ARHGAP10: variants seen among roughly 807,000 people sequenced by gnomAD.
ARHGAP10 encodes Rho GTPase activating protein 10.
In ARHGAP10, 87 loss-of-function variants were observed where a neutral mutation model predicts 108.6. The ratio of observed to expected loss-of-function variants is 0.80; its 90% confidence interval spans 0.67 to 0.96. ARHGAP10 has a LOEUF of 0.96. Ranked by LOEUF, ARHGAP10 falls within the 40% of genes least tolerant of loss-of-function variation. The pLI is 0.00. For synonymous variants in ARHGAP10, 347 were observed against 341.1 expected, an observed-to-expected ratio of 1.02 and a Z score of -0.19; for missense variants, 939 against 954.5, an observed-to-expected ratio of 0.98 and a Z score of 0.21.
At chr4:147,984,902 T>TG (rs552424644) in intron 18 of ARHGAP10, among the ~76,000 whole-genome samples, 69 of 152,196 alleles carry the variant, frequency 4.5e-4, no homozygotes, top group Admixed American at 1.3e-3. Flanking sequence ...GGCTTCAAGA[T>TG]GGGCAGGCCA....
intron 13 of ARHGAP10, among the ~76,000 whole-genome samples, chr4:147,935,288 G>A (rs1341945956): frequency 6.6e-6 from 1 of 152,186 alleles, no homozygotes; most frequent in African/African-American, 2.4e-5. Flanking sequence ...CTGAAGGCTG[G>A]CTCTTAAATG....
intron 1 of ARHGAP10, among the ~76,000 whole-genome samples, chr4:147,811,223 G>T (rs1732002867): frequency 6.6e-6 from 1 of 152,210 alleles, no homozygotes. Context: ...GTAAGTGCGG[G>T]CCCCAGGCCC....
intron 7 of ARHGAP10, among the ~76,000 whole-genome samples, chr4:147,871,085 G>T (rs1218307661): frequency 2.0e-5 from 3 of 151,806 alleles, no homozygotes; most frequent in Non-Finnish European, 4.4e-5. Flanking sequence ...TCAGCCTCCC[G>T]AGTAGCTGGG....
chr4:147,919,907 A>G (rs1000355032), intron 13 of ARHGAP10, among the ~76,000 whole-genome samples: 1 of 152,020 alleles, frequency 6.6e-6, no homozygotes, highest in African/African-American at 2.4e-5. Context: ...AGGCTCTCAT[A>G]CCCTGTCAGC....
intron 6 of ARHGAP10, chr4:147,865,627 C>G (rs572443397): frequency 6.6e-6 from 1 of 152,092 alleles, no homozygotes; most frequent in Admixed American, 6.5e-5. Context: ...ATTTTAATAT[C>G]GACTTATTGA....
intron 3 of ARHGAP10, among the ~76,000 whole-genome samples, chr4:147,823,315 T>C (rs977463631): frequency 7.9e-5 from 12 of 152,218 alleles, no homozygotes; most frequent in Non-Finnish European, 1.8e-4. Flanking sequence ...GAAAAGCTTA[T>C]GTAGAAACAG....
chr4:147,934,046 A>G (rs1479523041), intron 13 of ARHGAP10, among the ~76,000 whole-genome samples: 1 of 152,134 alleles, frequency 6.6e-6, no homozygotes, highest in Non-Finnish European at 1.5e-5. Context: ...AGCAGCTCTG[A>G]GTTGGGACCT....
At chr4:148,054,510 C>G (rs1729279218) in intron 20 of ARHGAP10, among the ~76,000 whole-genome samples, 1 of 152,180 alleles carries the variant, frequency 6.6e-6, no homozygotes, top group Non-Finnish European at 1.5e-5. Context: ...TTAACTTGAC[C>G]CCAACTTCCT....
intron 10 of ARHGAP10, among the ~76,000 whole-genome samples, chr4:147,900,040 T>G (rs1422867719): frequency 6.6e-6 from 1 of 152,316 alleles, no homozygotes; most frequent in East Asian, 1.9e-4. Flanking sequence ...CTCTCTGCTT[T>G]TTTCGTTGTG....
chr4:148,031,903 C>T lies in ARHGAP10; in HGVS notation c.1867+8490C>T, dbSNP rs78562948. On this transcript the variant is annotated intron_variant, in intron 19 of 22. Coordinates refer to ENST00000336498, the MANE Select transcript of ARHGAP10 (RefSeq NM_024605.4). ...TTTATTTCAGTGATATTAAGTACTG[C>T]AAAAGCATTTTATTGTAATTTATGC... Among the ~76,000 whole-genome samples the T allele has an allele frequency of 8.6e-3, 1,306 of 152,202 alleles. 9 individuals are homozygous for T. Among genetic ancestry groups the T allele is most frequent in the Middle Eastern group, 0.024 (7 of 294 alleles).
At chr4:147,997,585 A>T (rs1330605552) in intron 18 of ARHGAP10, among the ~76,000 whole-genome samples, 1 of 152,238 alleles carries the variant, frequency 6.6e-6, no homozygotes, top group Non-Finnish European at 1.5e-5. Flanking sequence ...GAGGACAAAG[A>T]TGGCCCATCA....
At chr4:147,975,860 G>A (rs1739572816) in intron 18 of ARHGAP10, among the ~76,000 whole-genome samples, 1 of 152,188 alleles carries the variant, frequency 6.6e-6, no homozygotes, top group Admixed American at 6.5e-5. Flanking sequence ...ATATAGAGGA[G>A]TATCACACTG....
intron 13 of ARHGAP10, among the ~76,000 whole-genome samples, chr4:147,932,112 G>A (rs1177704734): frequency 6.6e-6 from 1 of 152,080 alleles, no homozygotes; most frequent in African/African-American, 2.4e-5. Context: ...AAACCACAAT[G>A]AGATACCATC....
At chr4:148,055,205 G>A (rs949449366) in intron 20 of ARHGAP10, among the ~76,000 whole-genome samples, 2 of 152,168 alleles carry the variant, frequency 1.3e-5, no homozygotes, top group Non-Finnish European at 2.9e-5. Flanking sequence ...AGTGGACTTT[G>A]GGAGTGAACT....
chr4:147,865,058 T>C, intron 6 of ARHGAP10, 102 bp downstream of exon 6: 1 of 960,470 alleles, frequency 1.0e-6, no homozygotes, highest in East Asian at 2.7e-5. Context: ...GAGGCCATAG[T>C]GCATAAACAT....
chr4:147,867,081 A>G (rs1254890297), intron 7 of ARHGAP10, among the ~76,000 whole-genome samples: 3 of 152,126 alleles, frequency 2.0e-5, no homozygotes, highest in Non-Finnish European at 2.9e-5. Context: ...TTAACTCTAA[A>G]TCAGCTATGT....
intron 20 of ARHGAP10, among the ~76,000 whole-genome samples, chr4:148,060,821 G>A (rs746949266): frequency 1.3e-5 from 2 of 152,088 alleles, no homozygotes; most frequent in Admixed American, 1.3e-4. Flanking sequence ...TTGGTGAACC[G>A]GTTAGTGCTA....
chr4:147,744,217 A>T (rs199513423), intron 1 of ARHGAP10, among the ~76,000 whole-genome samples: 2 of 152,222 alleles, frequency 1.3e-5, no homozygotes, highest in East Asian at 1.9e-4. Context: ...GGCTGAGACC[A>T]AAAGGAGGGA....
At chr4:147,794,239 A>G (rs578023676) in intron 1 of ARHGAP10, among the ~76,000 whole-genome samples, 111 of 152,342 alleles carry the variant, frequency 7.3e-4, no homozygotes, top group African/African-American at 2.6e-3. Context: ...TTGAGAGAAC[A>G]CTTAGTAGAG....
Sources: gnomAD v4.1 joint callset for allele counts (sites outside exome capture counted in the v4.1 genomes callset) on GRCh38, gnomAD v4.1.1 for gene constraint, MANE v1.5 for transcripts, NCBI Gene and HGNC (gene_info 2026-07-23, HGNC 2026-07-21) for gene names.